MDGA2: variants seen among roughly 807,000 people sequenced by gnomAD.
MDGA2 encodes MAM domain-containing glycosylphosphatidylinositol anchor protein 2.
A neutral mutation model predicts 117.8 loss-of-function variants in MDGA2; 40 were observed. The ratio of observed to expected loss-of-function variants is 0.34; its 90% CI spans 0.26 to 0.44. MDGA2 has a LOEUF of 0.44. MDGA2 is among the 20% of genes least tolerant of loss of function. The pLI is 1.00. For synonymous variants in MDGA2, 452 were observed against 439.0 expected (o/e 1.03, Z -0.37); for missense variants, 1,123 against 1,250.6 (o/e 0.90, Z 1.54).
intron 10 of MDGA2, among the ~76,000 whole-genome samples, chr14:46,900,198 A>G (rs1186692617): frequency 6.6e-6 from 1 of 152,188 alleles, no homozygotes; most frequent in African/African-American, 2.4e-5. Flanking sequence ...AGATGAAAAT[A>G]GTGAAAACGA....
chr14:46,923,679 T>TA (rs34787334), intron 9 of MDGA2, among the ~76,000 whole-genome samples: 47,345 of 151,848 alleles, frequency 0.31, 8,419 homozygotes, highest in African/African-American at 0.43. Context: ...GGAAAAGCTT[T>TA]AAAAGGAAAA....
At chr14:47,441,221 T>A (rs1312560020) in intron 1 of MDGA2, among the ~76,000 whole-genome samples, 4 of 152,014 alleles carry the variant, frequency 2.6e-5, no homozygotes, top group Admixed American at 2.0e-4. Flanking sequence ...ACTTCCAAAC[T>A]GAGAACAACA....
chr14:47,076,212 A>C (rs1189235144), intron 6 of MDGA2, among the ~76,000 whole-genome samples: 1 of 152,140 alleles, frequency 6.6e-6, no homozygotes, highest in African/African-American at 2.4e-5. Context: ...TTTAAGTTTA[A>C]TTATAACAGA....
At chr14:47,374,657 A>C (rs544047728) in intron 1 of MDGA2, among the ~76,000 whole-genome samples, 5 of 152,168 alleles carry the variant, frequency 3.3e-5, no homozygotes. Flanking sequence ...TGACAGATCA[A>C]TTTAGGAGTA....
chr14:47,005,610 T>C (rs1887682246), intron 8 of MDGA2, among the ~76,000 whole-genome samples: 1 of 151,512 alleles, frequency 6.6e-6, no homozygotes, highest in African/African-American at 2.4e-5. Context: ...TTTATATATC[T>C]GAATAATGTT....
Position 47,096,851 on chromosome 14 carries a change from T to C in MDGA2, c.1195+3A>G, listed in dbSNP as rs1481670560. On this transcript the variant is annotated splice_donor_region_variant and intron_variant, in intron 6 of 16. Coordinates refer to ENST00000399232, the MANE Select transcript of MDGA2 (RefSeq NM_001113498.3). The stretch of plus-strand genomic sequence containing the variant: ...CGTTGTAACATTCTTTCAGCAAACT[T>C]ACCTCTCACAATGATGTTGGTGGAC... 2 of 1,611,190 alleles carry C rather than the reference T, an allele frequency of 1.2e-6. No homozygotes were observed. Among genetic ancestry groups the C allele is most frequent in the South Asian group, 2.2e-5 (2 of 91,018 alleles).
chr14:46,866,175 T>C (rs1359866463), intron 14 of MDGA2, among the ~76,000 whole-genome samples: 1 of 152,042 alleles, frequency 6.6e-6, no homozygotes, highest in Non-Finnish European at 1.5e-5. Flanking sequence ...AACAGCATGG[T>C]ACTGGTACCA....
At chr14:47,391,387 T>C (rs4243546) in intron 1 of MDGA2, among the ~76,000 whole-genome samples, 69,920 of 152,002 alleles carry the variant, frequency 0.46, 16,612 homozygotes, top group East Asian at 0.61. Context: ...TTTCTGTGAA[T>C]AGACAAGTGT....
At chr14:47,611,064 C>G (rs1397616421) in intron 1 of MDGA2, among the ~76,000 whole-genome samples, 1 of 151,876 alleles carries the variant, frequency 6.6e-6, no homozygotes, top group African/African-American at 2.4e-5. Flanking sequence ...CAAATACTTA[C>G]AGCCAACTGA....
At chr14:47,231,421 A>G (rs1886685085) in intron 2 of MDGA2, among the ~76,000 whole-genome samples, 1 of 152,054 alleles carries the variant, frequency 6.6e-6, no homozygotes, top group South Asian at 2.1e-4. Flanking sequence ...CTGAGTCCAG[A>G]GCCTGTGCTC....
chr14:46,854,286 T>C (rs1881176227), intron 15 of MDGA2, among the ~76,000 whole-genome samples: 2 of 151,846 alleles, frequency 1.3e-5, no homozygotes, highest in South Asian at 4.1e-4. Flanking sequence ...ATAAGATATA[T>C]GTCATAGACT....
At chr14:47,008,189 T>C (rs1459368671) in intron 8 of MDGA2, among the ~76,000 whole-genome samples, 1 of 151,828 alleles carries the variant, frequency 6.6e-6, no homozygotes, top group Admixed American at 6.6e-5. Context: ...ATGTGTATGT[T>C]AGAGAAACAA....
chr14:46,905,730 T>C (rs1685759605), intron 10 of MDGA2, among the ~76,000 whole-genome samples: 1 of 152,058 alleles, frequency 6.6e-6, no homozygotes, highest in Non-Finnish European at 1.5e-5. Flanking sequence ...AAAGTTCAAT[T>C]CATGATGACA....
intron 8 of MDGA2, among the ~76,000 whole-genome samples, chr14:46,987,806 T>C (rs748015177): frequency 6.0e-5 from 9 of 151,212 alleles, no homozygotes; most frequent in Non-Finnish European, 1.2e-4. Flanking sequence ...ATTCAAAATA[T>C]AATAATATAA....
chr14:47,052,311 T>C (rs187917551), intron 7 of MDGA2, among the ~76,000 whole-genome samples: 1 of 151,838 alleles, frequency 6.6e-6, no homozygotes, highest in Non-Finnish European at 1.5e-5. Context: ...ACCTGAGAAT[T>C]TGAAAAAGTA....
chr14:46,887,642 A>G (rs954647880), intron 10 of MDGA2, among the ~76,000 whole-genome samples: 1 of 151,968 alleles, frequency 6.6e-6, no homozygotes, highest in African/African-American at 2.4e-5. Context: ...TTCCACAGAA[A>G]GCACTTATCT....
chr14:47,351,919 A>G (rs1890892366), intron 1 of MDGA2, among the ~76,000 whole-genome samples: 1 of 151,406 alleles, frequency 6.6e-6, no homozygotes, highest in Non-Finnish European at 1.5e-5. Flanking sequence ...ACACACACAC[A>G]CACACACACA....
In MDGA2 at chr14:47,550,669, GAA is replaced by G. The variant is rs1031871773; in HGVS notation, c.280+123846_280+123847del. 8.1e-4 allele frequency among the ~76,000 whole-genome samples: 123 copies of G among 151,720 alleles called. 1 individual carries two copies. Among genetic ancestry groups the G allele is most frequent in the African/African-American group, 2.9e-3 (121 of 41,358 alleles). On this transcript the variant is annotated intron_variant, in intron 1 of 16. Coordinates refer to ENST00000399232, the MANE Select transcript of MDGA2 (RefSeq NM_001113498.3). The stretch of plus-strand genomic sequence containing the variant: ...TTTAAATTCACTATCCTGAAAAAAA[GAA>G]AAGACCAAATTCTTGTCTCACTATA...
At chr14:47,061,194 A>G in intron 7 of MDGA2, 55 bp downstream of exon 7, 5 of 1,488,306 alleles carry the variant, frequency 3.4e-6, no homozygotes, top group Non-Finnish European at 4.6e-6. Context: ...GATCTGTTAA[A>G]CTTCAATCAT....
Sources: allele counts gnomAD v4.1 joint callset (sites outside exome capture counted in the v4.1 genomes callset), GRCh38; gene constraint gnomAD v4.1.1; transcripts MANE v1.5; gene names NCBI Gene and HGNC (gene_info 2026-07-23, HGNC 2026-07-21).